Variants in PDE4A observed in about 807,000 individuals in gnomAD.
PDE4A encodes 3',5'-cyclic-AMP phosphodiesterase 4A.
A neutral mutation model predicts 73.9 loss-of-function variants in PDE4A; 21 were observed. The ratio of observed to expected loss-of-function variants is 0.28; its 90% CI spans 0.20 to 0.41. The LOEUF (loss-of-function observed/expected upper bound fraction) is 0.41. PDE4A is among the 10% of genes least tolerant of loss of function. The pLI, the probability that PDE4A is intolerant of heterozygous loss-of-function variation, is 1.00. For missense variants in PDE4A, 958 were observed against 1,211.4 expected (o/e 0.79, Z 3.10); for synonymous variants, 463 against 505.4 (o/e 0.92, Z 1.13).
In PDE4A at chr19:10,459,400, G is replaced by A; in HGVS notation, c.1102G>A (p.Glu368Lys). The A allele has an allele frequency of 6.2e-7, 1 of 1,614,222 alleles. No individual in the cohort carries two copies. Among genetic ancestry groups the A allele is most frequent in the Non-Finnish European group, 8.5e-7 (1 of 1,180,044 alleles). The change falls in exon 9 of 15, where the codon GAA becomes AAA. Residue 368 changes from glutamate to lysine, a missense_variant and splice_region_variant. Physicochemically the swap from Glu to Lys is moderately conservative, Grantham distance 56. Around this residue, in one of 3 missense-constraint regions of PDE4A, gnomAD observed 570 missense variants for 827.7 expected, o/e 0.69. Coordinates refer to ENST00000380702, the MANE Select transcript of PDE4A (RefSeq NM_001111307.2). ...KTDQEELLAQ[E>K]LENLNKWGLN... ...GACCTCTGGCCTCCGTCTCCACCAG[G>A]AACTGGAGAACCTGAACAAGTGGGG...
chr19:10,451,004 C>A, intron 6 of PDE4A, 63 bp downstream of exon 6: 1 of 1,483,430 alleles, frequency 6.7e-7, no homozygotes, highest in Non-Finnish European at 9.2e-7. Context: ...GTGGGTAGAG[C>A]CAACCGCTGG....
At chr19:10,429,614 A>G (rs2042762499) in intron 1 of PDE4A, among the ~76,000 whole-genome samples, 1 of 152,228 alleles carries the variant, frequency 6.6e-6, no homozygotes, top group African/African-American at 2.4e-5. Flanking sequence ...CTGGGATTAC[A>G]GGCATGAGCC....
At chr19:10,436,966 C>T (rs1234566928) in intron 1 of PDE4A, among the ~76,000 whole-genome samples, 1 of 151,930 alleles carries the variant, frequency 6.6e-6, no homozygotes, top group Non-Finnish European at 1.5e-5. Flanking sequence ...TTGAGCCCGG[C>T]AGCAGAGGTT....
Position 10,424,642 on chromosome 19 carries a change from C to T in PDE4A, c.320+3558C>T, listed in dbSNP as rs1032973988. Among the ~76,000 whole-genome samples, 3 of 152,252 alleles carry T rather than the reference C, an allele frequency of 2.0e-5. No homozygotes were observed. Among genetic ancestry groups the T allele is most frequent in the African/African-American group, 7.2e-5 (3 of 41,462 alleles). On this transcript the variant is annotated intron_variant, in intron 1 of 14. Coordinates refer to ENST00000380702, the MANE Select transcript of PDE4A (RefSeq NM_001111307.2). This position sits in a 1 kb window ranked among gnomAD's most constrained non-coding sequence, Gnocchi z 4.8. The stretch of plus-strand genomic sequence containing the variant: ...ATTGAGCGTCCTGGAGAGCGGGCGC[C>T]AGGCCGGCTGACCGCAGGCTGCGTG...
At chr19:10,456,759 G>A (rs930410446) in intron 7 of PDE4A, among the ~76,000 whole-genome samples, 4 of 152,116 alleles carry the variant, frequency 2.6e-5, no homozygotes, top group South Asian at 2.1e-4. Flanking sequence ...AGAATACCCC[G>A]ATTTCACTGG....
chr19:10,459,400 G>C lies in PDE4A; in HGVS notation c.1102G>C (p.Glu368Gln). 6.2e-7 allele frequency: 1 copy of C among 1,614,222 alleles called. No homozygotes were observed. Among genetic ancestry groups the C allele is most frequent in the Non-Finnish European group, 8.5e-7 (1 of 1,180,044 alleles). Residue 368 changes from glutamate (E) to glutamine (Q), a missense_variant and splice_region_variant, in exon 9 of 15, where the codon GAA (glutamate) becomes CAA (glutamine). Transcript: ENST00000380702. ...GACCTCTGGCCTCCGTCTCCACCAG[G>C]AACTGGAGAACCTGAACAAGTGGGG... ...KTDQEELLAQ[E>Q]LENLNKWGLN... is the part of the protein sequence containing the mutation.
intron 1 of PDE4A, among the ~76,000 whole-genome samples, chr19:10,439,895 T>C (rs1290377907): frequency 6.6e-6 from 1 of 151,670 alleles, no homozygotes; most frequent in Non-Finnish European, 1.5e-5. Flanking sequence ...CTCCTTGGCA[T>C]TGCATGCAGG....
intron 1 of PDE4A, among the ~76,000 whole-genome samples, chr19:10,422,678 T>G (rs1367615832): frequency 6.6e-6 from 1 of 152,044 alleles, no homozygotes; most frequent in Non-Finnish European, 1.5e-5. Context: ...CCACCTCTGT[T>G]CTGATCACCC....
In PDE4A at chr19:10,439,982, C is replaced by CTTTTTTTTTTTTT. The variant is rs1162121051; in HGVS notation, c.321-6228_321-6216dup. On this transcript the variant is annotated intron_variant, in intron 1 of 14. Coordinates refer to ENST00000380702, the MANE Select transcript of PDE4A (RefSeq NM_001111307.2). The stretch of plus-strand genomic sequence containing the variant: ...CCTAATAGGCGTGACATGGTATCTC[C>CTTTTTTTTTTTTT]TTTTTTTTTTTTTTTTTTTTGAGAC... Among the ~76,000 whole-genome samples the CTTTTTTTTTTTTT allele has an allele frequency of 7.0e-5, 8 of 114,024 alleles. 1 individual carries two copies. Among genetic ancestry groups the CTTTTTTTTTTTTT allele is most frequent in the African/African-American group, 2.9e-4 (8 of 28,010 alleles). The allele number at this position is 114,024 out of a possible 152,430, so 74.8% of individuals were successfully genotyped here.
chr19:10,449,004 C>T (rs994595667), intron 3 of PDE4A, 51 bp downstream of exon 3: 17 of 1,611,524 alleles, frequency 1.1e-5, no homozygotes, highest in Admixed American at 1.7e-5. Flanking sequence ...CAATGCTCCG[C>T]CACACTTGGG....
intron 6 of PDE4A, among the ~76,000 whole-genome samples, chr19:10,452,669 G>C (rs1186706142): frequency 6.6e-6 from 1 of 152,074 alleles, no homozygotes; most frequent in African/African-American, 2.4e-5. Context: ...TTGAGTATCT[G>C]TGTATATTCA....
At chr19:10,463,243 C>T (rs1484895518) in intron 13 of PDE4A, among the ~76,000 whole-genome samples, 1 of 151,632 alleles carries the variant, frequency 6.6e-6, no homozygotes, top group Non-Finnish European at 1.5e-5. Flanking sequence ...GTGCCTACCA[C>T]CAGACCTGGC....
At chr19:10,418,901 G>T, upstream of PDE4A, 1 of 984,844 alleles carries the variant, frequency 1.0e-6, no homozygotes, top group Non-Finnish European at 1.2e-6. Context: ...GTGTAATGGG[G>T]GGGGTGTTCC....
Position 10,459,387 on chromosome 19 carries a change from C to G in PDE4A, c.1102-13C>G. On this transcript the variant is annotated splice_polypyrimidine_tract_variant and intron_variant, in intron 8 of 14. Transcript: ENST00000380702. ...CTTACAGGCTTCTGACCTCTGGCCT[C>G]CGTCTCCACCAGGAACTGGAGAACC... 6.2e-7 allele frequency: 1 copy of G among 1,614,212 alleles called. No homozygotes were observed. The highest frequency in any genetic ancestry group is 1.3e-5 in the African/African-American group (1 of 75,052).
chr19:10,431,056 A>C, intron 1 of PDE4A: 3 of 1,574,228 alleles, frequency 1.9e-6, no homozygotes, highest in Non-Finnish European at 2.6e-6. Flanking sequence ...AGCTGCCAGG[A>C]TTTGGGCCGC....
intron 2 of PDE4A, among the ~76,000 whole-genome samples, chr19:10,447,765 C>T (rs1218567290): frequency 6.6e-6 from 1 of 152,142 alleles, no homozygotes; most frequent in Non-Finnish European, 1.5e-5. Flanking sequence ...ACCCTCTGCC[C>T]TTCCTCCAGG....
intron 1 of PDE4A, among the ~76,000 whole-genome samples, chr19:10,445,512 A>G (rs1369657356): frequency 6.6e-6 from 1 of 152,040 alleles, no homozygotes; most frequent in African/African-American, 2.4e-5. Context: ...TCAGGCCTGT[A>G]ATCCCAGCAC....
intron 13 of PDE4A, among the ~76,000 whole-genome samples, chr19:10,462,709 A>G (rs1482589666): frequency 1.3e-5 from 2 of 149,884 alleles, no homozygotes; most frequent in Middle Eastern, 3.4e-3. Flanking sequence ...ATTTCCCCCA[A>G]TTCCTCCTTT....
At chr19:10,437,566 T>C (rs2042881925) in intron 1 of PDE4A, among the ~76,000 whole-genome samples, 2 of 151,666 alleles carry the variant, frequency 1.3e-5, no homozygotes, top group African/African-American at 4.8e-5. Context: ...ACTATACACA[T>C]GCACCACCAT....
Sources: gnomAD v4.1 joint callset for allele counts (sites outside exome capture counted in the v4.1 genomes callset) on GRCh38, gnomAD v4.1.1 for gene constraint, gnomAD v4.1.1 regional missense constraint, Gnocchi (gnomAD v3.1) non-coding constraint, MANE v1.5 for transcripts, NCBI Gene and HGNC (gene_info 2026-07-23, HGNC 2026-07-21) for gene names.